NEFH: variants seen among roughly 807,000 people sequenced by gnomAD.
NEFH encodes neurofilament heavy polypeptide.
NEFH carries 58 observed loss-of-function variants against 56.6 expected under a neutral mutation model. That is an observed-to-expected ratio of 1.03 (90% CI 0.83 to 1.28). The LOEUF is 1.28. NEFH is among the 50% of genes most tolerant of loss of function. The pLI is 0.00. For missense variants in NEFH, 1,221 were observed against 1,307.6 expected (o/e 0.93, Z 1.02); for synonymous variants, 542 against 545.8 (o/e 0.99, Z 0.10).
At position 29,480,630 on chromosome 22, in the gene NEFH, G is replaced by T; in HGVS notation, c.368G>T (p.Arg123Leu). ...DKVRQLEAHN[R>L]SLEGEAAALR... Reference sequence around the variant, plus strand: ...GTGCGGCAGCTGGAGGCGCACAACCGCAGCCTGGAGGGCGAGGCTGCGGCG... The same window carrying T: ...GTGCGGCAGCTGGAGGCGCACAACCTCAGCCTGGAGGGCGAGGCTGCGGCG... The change falls in exon 1 of 4, where the codon CGC (arginine) becomes CTC (leucine). Residue 123 changes from arginine to leucine, a missense_variant. Arg to Leu is a moderately radical substitution (Grantham distance 102). Around this residue, in one of 4 missense-constraint regions of NEFH, gnomAD observed 640 missense variants for 555.5 expected, o/e 1.15. Transcript: ENST00000310624. 2 of 1,563,522 alleles carry T rather than the reference G, an allele frequency of 1.3e-6. No individual in the cohort carries two copies. The highest frequency in any genetic ancestry group is 1.7e-6 in the Non-Finnish European group (2 of 1,164,318).
intron 3 of NEFH, among the ~76,000 whole-genome samples, chr22:29,487,253 C>T (rs543067547): frequency 6.6e-6 from 1 of 152,272 alleles, no homozygotes; most frequent in African/African-American, 2.4e-5. Flanking sequence ...GGCTTCCTAC[C>T]TCTTGGCTCT....
chr22:29,488,624 C>T (rs1034555023), intron 3 of NEFH, among the ~76,000 whole-genome samples: 1 of 151,964 alleles, frequency 6.6e-6, no homozygotes, highest in African/African-American at 2.4e-5. Context: ...AAAACAACAA[C>T]ATCAACAAAA....
Position 29,481,071 on chromosome 22 carries a change from C to T in NEFH, c.809C>T (p.Ala270Val), listed in dbSNP as rs1198769649. 3.3e-6 allele frequency: 5 copies of T among 1,532,002 alleles called. No individual in the cohort carries two copies. Among genetic ancestry groups the T allele is most frequent in the Non-Finnish European group, 4.4e-6 (5 of 1,145,758 alleles). 94.9% of individuals were successfully genotyped at this position (1,532,002 alleles called of 1,614,324 possible). A position where few individuals can be genotyped will look rare whatever the true frequency, so the allele number is the denominator to read the frequency against. The change falls in exon 1 of 4, where the codon GCG (alanine) becomes GTG (valine). Residue 270 changes from alanine (A) to valine (V), a missense_variant. Ala to Val is a moderately conservative substitution (Grantham distance 64). Coordinates refer to ENST00000310624, the MANE Select transcript of NEFH (RefSeq NM_021076.4). ...GCCCTGAAGTGCGACGTGACGTCGG[C>T]GCTGCGCGAGATTCGCGCGCAGCTT... is the stretch of plus-strand genomic sequence containing the variant. ...RDALKCDVTS[A>V]LREIRAQLEG...
rs1015688886 is a variant in NEFH, at chr22:29,489,554, C to T, written c.1914C>T (p.Ala638=). 5.7e-5 allele frequency: 85 copies of T among 1,481,164 alleles called. No homozygotes were observed. Among genetic ancestry groups the T allele is most frequent in the Non-Finnish European group, 7.4e-5 (82 of 1,110,432 alleles). The allele number at this position is 1,481,164 out of a possible 1,614,324, so 91.8% of individuals were successfully genotyped here. Residue 638 remains alanine (A), a synonymous_variant, in exon 4 of 4, where the codon GCC becomes GCT. Transcript: ENST00000310624. ...CTGAGGTCAAGTCCCCGGAAAAGGC[C>T]AAGTCTCCAACGAAGGAGGAAGCAA... ...SPAEVKSPEK[A]KSPTKEEAKS... is the part of the protein sequence containing the mutation.
At chr22:29,481,227 C>T (rs2063007476) in intron 1 of NEFH, 82 bp downstream of exon 1, 3 of 1,353,808 alleles carry the variant, frequency 2.2e-6, no homozygotes, top group African/African-American at 2.9e-5. Context: ...CAAGGGGGCG[C>T]TGCCGGACTG....
At position 29,485,819 on chromosome 22, in the gene NEFH, G is replaced by A. The variant is rs764910272; in HGVS notation, c.1180G>A (p.Ala394Thr). 1 of 1,614,192 alleles carries A rather than the reference G, an allele frequency of 6.2e-7. No homozygotes were observed. The highest frequency in any genetic ancestry group is 8.5e-7 in the Non-Finnish European group (1 of 1,180,026). ...EYQDLLNVKM[A>T]LDIEIAAYRK... The stretch of plus-strand genomic sequence containing the variant: ...CCAGGACCTGCTCAATGTCAAGATG[G>A]CTCTGGATATAGAGATAGCCGCTTA... Residue 394 changes from alanine (A) to threonine (T), a missense_variant, in exon 3 of 4, where the codon GCT (alanine) becomes ACT (threonine). Ala to Thr is a moderately conservative substitution (Grantham distance 58). Transcript: ENST00000310624.
rs995261564 is a variant in NEFH at position 29,489,877 on chromosome 22, C to A, written c.2237C>A (p.Ser746Tyr). The A allele has an allele frequency of 6.3e-7, 1 of 1,576,996 alleles. No individual in the cohort carries two copies. The change falls in exon 4 of 4, where the codon TCC becomes TAC. Residue 746 changes from serine to tyrosine, a missense_variant. By Grantham distance (144) the Ser-to-Tyr change is moderately radical. Transcript: ENST00000310624. ...TCCCCAGTGAAGGAAGAAGCTAAGT[C>A]CCCAGAGAAGGCCAAGTCCCCAGAG... is the stretch of plus-strand genomic sequence containing the variant. ...AKSPVKEEAK[S>Y]PEKAKSPEKA...
intron 1 of NEFH, among the ~76,000 whole-genome samples, chr22:29,482,905 A>C (rs1001953875): frequency 1.3e-5 from 2 of 152,146 alleles, no homozygotes; most frequent in Admixed American, 6.6e-5. Flanking sequence ...ACTTGCCTTT[A>C]TCTCACAGGA....
Position 29,489,895 on chromosome 22 carries a change from C to G in NEFH, c.2255C>G (p.Ser752Cys). ...GCTAAGTCCCCAGAGAAGGCCAAGT[C>G]CCCAGAGAAGGCCAAGACTCTTGAT... is the stretch of plus-strand genomic sequence containing the variant. ...EEAKSPEKAK[S>C]PEKAKTLDVK... Residue 752 changes from serine to cysteine, a missense_variant, in exon 4 of 4, where the codon TCC (serine) becomes TGC (cysteine). Coordinates refer to ENST00000310624, the MANE Select transcript of NEFH (RefSeq NM_021076.4). The G allele has an allele frequency of 6.2e-7, 1 of 1,613,788 alleles. No homozygotes were observed. The highest frequency in any genetic ancestry group is 8.5e-7 in the Non-Finnish European group (1 of 1,179,970).
chr22:29,482,794 C>T (rs2063019539), intron 1 of NEFH, among the ~76,000 whole-genome samples: 1 of 152,188 alleles, frequency 6.6e-6, no homozygotes, highest in South Asian at 2.1e-4. Flanking sequence ...CTCTGCCCTG[C>T]AGGGTTTTTG....
At chr22:29,488,623 A>T (rs1022377385) in intron 3 of NEFH, among the ~76,000 whole-genome samples, 4 of 152,194 alleles carry the variant, frequency 2.6e-5, no homozygotes, top group Non-Finnish European at 5.9e-5. Context: ...AAAAACAACA[A>T]CATCAACAAA....
In NEFH at chr22:29,480,884, G is replaced by T; in HGVS notation, c.622G>T (p.Glu208Ter). The change falls in exon 1 of 4, where the codon GAG becomes TAG. Residue 208 changes from glutamate (E) to a stop codon, truncating the protein, a stop_gained. Transcript: ENST00000310624. LOFTEE classifies it high-confidence loss of function. ...CCGCGCGCTGGCGCGCTTCGCGCAG[G>T]AGGCCGAGGCGGCGCGCGTGGACCT... The part of the protein sequence containing the change: ...AARALARFAQ[E>*]AEAARVDLQK... 7.0e-7 allele frequency: 1 copy of T among 1,437,222 alleles called. No homozygotes were observed. 89.0% of individuals were successfully genotyped at this position (1,437,222 alleles called of 1,614,324 possible). A position where few individuals can be genotyped will look rare whatever the true frequency, so the allele number is the denominator to read the frequency against.
In NEFH at chr22:29,485,739, T is replaced by C; in HGVS notation, c.1100T>C (p.Leu367Pro). ...CCTTCCCAGGAAGCCATTCAGCAGC[T>C]GGACGCTGAGCTGAGGAACACCAAG... is the stretch of plus-strand genomic sequence containing the variant. The part of the protein sequence containing the change: ...IASYQEAIQQ[L>P]DAELRNTKWE... The change falls in exon 3 of 4, where the codon CTG (leucine) becomes CCG (proline). Residue 367 changes from leucine to proline, a missense_variant. Coordinates refer to ENST00000310624, the MANE Select transcript of NEFH (RefSeq NM_021076.4). The C allele has an allele frequency of 6.2e-7, 1 of 1,614,176 alleles. No homozygotes were observed. Among genetic ancestry groups the C allele is most frequent in the Non-Finnish European group, 8.5e-7 (1 of 1,180,018 alleles).
At chr22:29,488,003 G>C (rs146780554) in intron 3 of NEFH, among the ~76,000 whole-genome samples, 1 of 152,276 alleles carries the variant, frequency 6.6e-6, no homozygotes, top group Non-Finnish European at 1.5e-5. Flanking sequence ...TGGTAATACA[G>C]GGTGATGAGA....
At position 29,481,146 on chromosome 22, in the gene NEFH, G is replaced by A; in HGVS notation, c.883+1G>A. ...CTGCAGTCCGAGGAGTGGTTCCGAGGTACGCAGGCGCGCGGGTGGGGGGAG... is the reference window on the plus strand; with the variant it reads ...CTGCAGTCCGAGGAGTGGTTCCGAGATACGCAGGCGCGCGGGTGGGGGGAG... On this transcript the variant is annotated splice_donor_variant, in intron 1 of 3. Coordinates refer to ENST00000310624, the MANE Select transcript of NEFH (RefSeq NM_021076.4). LOFTEE classifies it high-confidence loss of function. 1 of 1,531,560 alleles carries A rather than the reference G, an allele frequency of 6.5e-7. No homozygotes were observed. Among genetic ancestry groups the A allele is most frequent in the Non-Finnish European group, 8.7e-7 (1 of 1,145,548 alleles). 94.9% of individuals were successfully genotyped at this position (1,531,560 alleles called of 1,614,324 possible). A position where few individuals can be genotyped will look rare whatever the true frequency, so the allele number is the denominator to read the frequency against.
Position 29,490,311 on chromosome 22 carries a change from G to T in NEFH, c.2671G>T (p.Glu891Ter), listed in dbSNP as rs771577814. The T allele has an allele frequency of 1.2e-6, 2 of 1,612,946 alleles. No individual in the cohort carries two copies. Among genetic ancestry groups the T allele is most frequent in the Non-Finnish European group, 1.7e-6 (2 of 1,179,572 alleles). ...CGAAAAGCCCAAAGAATCCAAAGTT[G>T]AAGCCAAGAAGGAAGAGGCTGAAGA... ...AVEKPKESKV[E>*]AKKEEAEDKK... The change falls in exon 4 of 4, where the codon GAA becomes TAA. Residue 891 changes from glutamate to a stop codon, truncating the protein, a stop_gained. Transcript: ENST00000310624. LOFTEE classifies it high-confidence loss of function.
chr22:29,482,050 G>A (rs747959620), intron 1 of NEFH, among the ~76,000 whole-genome samples: 3 of 152,200 alleles, frequency 2.0e-5, no homozygotes, highest in Non-Finnish European at 4.4e-5. Context: ...GAGGGCAGAG[G>A]CTTCAGTGAT....
chr22:29,488,009 T>C (rs920859792), intron 3 of NEFH, among the ~76,000 whole-genome samples: 3 of 152,136 alleles, frequency 2.0e-5, no homozygotes, highest in Non-Finnish European at 2.9e-5. Flanking sequence ...TACAGGGTGA[T>C]GAGAGACACT....
Position 29,480,890 on chromosome 22 carries a change from G to C in NEFH, c.628G>C (p.Glu210Gln). 2 of 1,455,912 alleles carry C rather than the reference G, an allele frequency of 1.4e-6. No individual in the cohort carries two copies. The highest frequency in any genetic ancestry group is 1.8e-6 in the Non-Finnish European group (2 of 1,115,712). 90.2% of individuals were successfully genotyped at this position (1,455,912 alleles called of 1,614,324 possible). Residue 210 changes from glutamate (E) to glutamine (Q), a missense_variant, in exon 1 of 4, where the codon GAG becomes CAG. Glu to Gln is a conservative substitution (Grantham distance 29). Transcript: ENST00000310624. ...RALARFAQEA[E>Q]AARVDLQKKA... ...GCTGGCGCGCTTCGCGCAGGAGGCC[G>C]AGGCGGCGCGCGTGGACCTGCAGAA...
Sources: allele counts gnomAD v4.1 joint callset (sites outside exome capture counted in the v4.1 genomes callset), GRCh38; gene constraint gnomAD v4.1.1; regional missense constraint gnomAD v4.1.1; transcripts MANE v1.5; gene names NCBI Gene and HGNC (gene_info 2026-07-23, HGNC 2026-07-21).